Variants in DOCK9 observed in about 807,000 individuals in gnomAD.
The protein encoded by DOCK9 is dedicator of cytokinesis protein 9.
In DOCK9, 89 loss-of-function variants were observed where a neutral mutation model predicts 263.3. The ratio of observed to expected loss-of-function variants is 0.34; its 90% confidence interval spans 0.28 to 0.40. The LOEUF (loss-of-function observed/expected upper bound fraction) is 0.40. Among genes scored for constraint, DOCK9 ranks in the 10% least tolerant of loss-of-function variants. The pLI is 1.00. For synonymous variants in DOCK9, 976 were observed against 973.1 expected (o/e 1.00, Z -0.06); for missense variants, 2,140 against 2,603.4 (o/e 0.82, Z 3.87).
At chr13:98,881,670 T>C (rs1271040372) in intron 24 of DOCK9, 43 bp from the exon 25 acceptor site, 3 of 1,550,468 alleles carry the variant, frequency 1.9e-6, no homozygotes, top group Non-Finnish European at 1.8e-6. Flanking sequence ...TATGTAAAAA[T>C]GGAAACATTT....
At chr13:98,938,533 G>C (rs1226274521) in intron 2 of DOCK9, among the ~76,000 whole-genome samples, 1 of 152,154 alleles carries the variant, frequency 6.6e-6, no homozygotes, top group Non-Finnish European at 1.5e-5. Context: ...AAAGAAAAAA[G>C]ATGAATACCA....
chr13:98,892,716 G>A (rs145163551), intron 15 of DOCK9, among the ~76,000 whole-genome samples: 8 of 152,230 alleles, frequency 5.3e-5, no homozygotes, highest in East Asian at 1.9e-4. Context: ...AGCTACTTAC[G>A]GCATATGAGG....
intron 1 of DOCK9, among the ~76,000 whole-genome samples, chr13:98,967,623 C>T (rs1218076074): frequency 1.3e-5 from 2 of 152,190 alleles, no homozygotes; most frequent in African/African-American, 2.4e-5. Flanking sequence ...ATGAGAAATG[C>T]TGAACATTGC....
chr13:98,850,891 T>C (rs557520463), intron 35 of DOCK9, among the ~76,000 whole-genome samples: 253 of 152,326 alleles, frequency 1.7e-3, no homozygotes, highest in African/African-American at 6.0e-3. Flanking sequence ...TCTTATATTT[T>C]ACACTGAGGT....
At chr13:98,974,785 C>T (rs2141440239) in intron 1 of DOCK9, among the ~76,000 whole-genome samples, 1 of 148,002 alleles carries the variant, frequency 6.8e-6, no homozygotes, top group Middle Eastern at 3.5e-3. Context: ...AACAACTCCA[C>T]CTCCAAAAAA....
At chr13:98,855,803 G>A in intron 34 of DOCK9, 95 bp downstream of exon 34, 1 of 1,477,042 alleles carries the variant, frequency 6.8e-7, no homozygotes, top group Non-Finnish European at 9.2e-7. Flanking sequence ...AAAACAAAAG[G>A]TCACACTTAA....
At chr13:99,050,856 C>T (rs757333365) in intron 1 of DOCK9, among the ~76,000 whole-genome samples, 1 of 152,178 alleles carries the variant, frequency 6.6e-6, no homozygotes, top group Non-Finnish European at 1.5e-5. Flanking sequence ...ACATGGCCCC[C>T]CCAGGTGTTG....
intron 34 of DOCK9, 107 bp downstream of exon 34, chr13:98,855,791 A>T: frequency 7.0e-7 from 1 of 1,433,152 alleles, no homozygotes; most frequent in South Asian, 1.3e-5. Flanking sequence ...GTGGTTTAGA[A>T]AAAAACAAAA....
At chr13:98,814,350 GAA>G (rs201415123) in intron 45 of DOCK9, among the ~76,000 whole-genome samples, 5,178 of 150,296 alleles carry the variant, frequency 0.034, 125 homozygotes, top group Middle Eastern at 0.091. Context: ...GAAGAAATCA[GAA>G]AAGGTTTTCA....
At chr13:98,970,577 A>G (rs1236159582) in intron 1 of DOCK9, among the ~76,000 whole-genome samples, 1 of 152,214 alleles carries the variant, frequency 6.6e-6, no homozygotes, top group African/African-American at 2.4e-5. Flanking sequence ...CCCAAAGCAG[A>G]ATACGAGACT....
chr13:98,874,378 T>G (rs1376078936), intron 27 of DOCK9, among the ~76,000 whole-genome samples: 2 of 152,262 alleles, frequency 1.3e-5, no homozygotes. Flanking sequence ...ACAATTTGTG[T>G]ATCCATTTAC....
chr13:98,794,286 G>C lies in DOCK9; in HGVS notation c.*340C>G. Reference sequence around the variant, plus strand: ...CATCAATGTCAGTGCAGCCCTCCCTGCCATGTAGATCCCAGAACCTTTTTT... The same window carrying C: ...CATCAATGTCAGTGCAGCCCTCCCTCCCATGTAGATCCCAGAACCTTTTTT... On this transcript the variant is annotated 3_prime_UTR_variant, in exon 53 of 53. Transcript: ENST00000682017. 4.3e-6 allele frequency: 1 copy of C among 235,274 alleles called. No homozygotes were observed. The highest frequency in any genetic ancestry group is 8.2e-5 in the East Asian group (1 of 12,212). The allele number at this position is 235,274 out of a possible 1,614,324, so 14.6% of individuals were successfully genotyped here. A position where few individuals can be genotyped will look rare whatever the true frequency, so the allele number is the denominator to read the frequency against.
intron 1 of DOCK9, among the ~76,000 whole-genome samples, chr13:99,003,249 G>T (rs1882726208): frequency 6.6e-6 from 1 of 152,182 alleles, no homozygotes; most frequent in Non-Finnish European, 1.5e-5. Context: ...TCAGACAGAG[G>T]TCTTCAAGCC....
intron 1 of DOCK9, among the ~76,000 whole-genome samples, chr13:99,022,463 G>A (rs1886230055): frequency 1.3e-5 from 2 of 152,304 alleles, no homozygotes; most frequent in South Asian, 4.1e-4. Context: ...AACAGTTCCT[G>A]TGGGCAGCTC....
chr13:99,004,370 G>C (rs961772395), intron 1 of DOCK9, among the ~76,000 whole-genome samples: 14 of 152,302 alleles, frequency 9.2e-5, no homozygotes, highest in African/African-American at 3.4e-4. Context: ...AATAAAGAAA[G>C]CACAAGGAAA....
chr13:98,863,375 A>G lies in DOCK9; in HGVS notation c.3460T>C (p.Ser1154Pro). The G allele has an allele frequency of 6.2e-7, 1 of 1,613,594 alleles. No homozygotes were observed. Among genetic ancestry groups the G allele is most frequent in the Non-Finnish European group, 8.5e-7 (1 of 1,179,684 alleles). ...IKHSFDDRYASRSHQARIATL... is the reference protein window; with the variant it reads ...IKHSFDDRYAPRSHQARIATL... ...TTCCATTGGGGACCACTCACCCTTG[A>G]AGCATATCTGTCATCAAAAGAATGC... The change falls in exon 31 of 53, where the codon TCA becomes CCA. Residue 1154 changes from serine (S) to proline (P), a missense_variant. Physicochemically the swap from Ser to Pro is moderately conservative, Grantham distance 74 (BLOSUM62 -1). Around this residue, in one of 2 missense-constraint regions of DOCK9, gnomAD observed 1,521 missense variants for 1,741.7 expected, o/e 0.87. Transcript: ENST00000682017.
At chr13:98,908,911 G>A (rs2049549961) in intron 9 of DOCK9, among the ~76,000 whole-genome samples, 1 of 152,178 alleles carries the variant, frequency 6.6e-6, no homozygotes, top group Non-Finnish European at 1.5e-5. Context: ...CACAATCTAA[G>A]AGTGGAGAAA....
chr13:98,824,281 T>G (rs2092428918), intron 45 of DOCK9, 117 bp downstream of exon 45: 13 of 797,994 alleles, frequency 1.6e-5, no homozygotes, highest in Middle Eastern at 7.6e-4. Flanking sequence ...GTTAGAGCTA[T>G]GTGTATAAGT....
In DOCK9 at chr13:98,831,355, T is replaced by C. The variant is rs2140953568; in HGVS notation, c.4628A>G (p.His1543Arg). The C allele has an allele frequency of 1.2e-6, 2 of 1,602,944 alleles. No homozygotes were observed. The highest frequency in any genetic ancestry group is 1.7e-6 in the Non-Finnish European group (2 of 1,174,252). ...YTGKKSFVRT[H>R]LQVIISVSQL... ...AAGCTAAACCACACGCACTTGCAAATGTGTCCGGACAAAGGACTTCTTTCC... is the reference window on the plus strand; with the variant it reads ...AAGCTAAACCACACGCACTTGCAAACGTGTCCGGACAAAGGACTTCTTTCC... Residue 1543 changes from histidine (H) to arginine (R), a missense_variant, in exon 41 of 53, where the codon CAT becomes CGT. Around this residue, in one of 2 missense-constraint regions of DOCK9, gnomAD observed 619 missense variants for 861.8 expected, o/e 0.72. Coordinates refer to ENST00000682017, the MANE Select transcript of DOCK9 (RefSeq NM_001366683.2).
Sources: gnomAD v4.1 joint callset for allele counts (sites outside exome capture counted in the v4.1 genomes callset) on GRCh38, gnomAD v4.1.1 for gene constraint, gnomAD v4.1.1 regional missense constraint, MANE v1.5 for transcripts, NCBI Gene and HGNC (gene_info 2026-07-23, HGNC 2026-07-21) for gene names.